The following ASCC3 variants were observed in gnomAD, a reference collection of about 807,000 sequenced individuals.
The protein encoded by ASCC3 is activating signal cointegrator 1 complex subunit 3, also known as ASC-1 complex subunit P200.
ASCC3 carries 158 observed loss-of-function variants against 256.3 expected under a neutral mutation model. The ratio of observed to expected loss-of-function variants is 0.62; its 90% confidence interval spans 0.54 to 0.70. The LOEUF (loss-of-function observed/expected upper bound fraction) is 0.70. Among genes scored for constraint, ASCC3 ranks in the 30% least tolerant of loss-of-function variants. The pLI, the probability that ASCC3 is intolerant of heterozygous loss-of-function variation, is 0.00. For synonymous variants in ASCC3, 948 were observed against 883.4 expected (o/e 1.07, Z -1.30); for missense variants, 2,259 against 2,626.0 (o/e 0.86, Z 3.05).
chr6:100,513,162 C>A (rs1773856773), intron 39 of ASCC3, among the ~76,000 whole-genome samples: 1 of 152,090 alleles, frequency 6.6e-6, no homozygotes, highest in South Asian at 2.1e-4. Context: ...TTAACATAAT[C>A]CAGTGATTTT....
intron 3 of ASCC3, among the ~76,000 whole-genome samples, chr6:100,860,518 G>T (rs1363838770): frequency 6.6e-6 from 1 of 151,870 alleles, no homozygotes; most frequent in Non-Finnish European, 1.5e-5. Context: ...AGGTAGTGAA[G>T]ACCACAGAGA....
intron 36 of ASCC3, among the ~76,000 whole-genome samples, chr6:100,551,744 C>A (rs1209752446): frequency 6.6e-6 from 1 of 151,966 alleles, no homozygotes; most frequent in Non-Finnish European, 1.5e-5. Context: ...ATTATCAAAT[C>A]AATATTAGTT....
Position 100,567,599 on chromosome 6 carries a change from T to G in ASCC3, c.5550+22035A>C, listed in dbSNP as rs150259076. On this transcript the variant is annotated intron_variant, in intron 36 of 41. Transcript: ENST00000369162. ...TAGCAGTCTCCAGTGTCTACAGTCATCTTTGTGTCCATGAGTACCCACTGT... is the reference window on the plus strand; with the variant it reads ...TAGCAGTCTCCAGTGTCTACAGTCAGCTTTGTGTCCATGAGTACCCACTGT... Among the ~76,000 whole-genome samples, 279 of 152,302 alleles carry G rather than the reference T, an allele frequency of 1.8e-3. 1 individual carries two copies. The highest frequency in any genetic ancestry group is 3.3e-3 in the Admixed American group (50 of 15,294).
chr6:100,702,180 G>A (rs1242490293), intron 13 of ASCC3, among the ~76,000 whole-genome samples: 4 of 152,128 alleles, frequency 2.6e-5, no homozygotes, highest in African/African-American at 9.7e-5. Context: ...AGACATGATG[G>A]TTGCTTGGCT....
chr6:100,572,229 C>T (rs1770628872), intron 36 of ASCC3, among the ~76,000 whole-genome samples: 1 of 151,986 alleles, frequency 6.6e-6, no homozygotes, highest in Non-Finnish European at 1.5e-5. Context: ...GGATTAGTGC[C>T]CTTATAAAGG....
At chr6:100,663,210 A>G (rs189482315) in intron 14 of ASCC3, among the ~76,000 whole-genome samples, 1 of 152,160 alleles carries the variant, frequency 6.6e-6, no homozygotes, top group Admixed American at 6.6e-5. Context: ...CTCCTCAACT[A>G]TAGATGTGCA....
chr6:100,608,046 A>G (rs1772996206), intron 30 of ASCC3, among the ~76,000 whole-genome samples: 1 of 133,298 alleles, frequency 7.5e-6, no homozygotes, highest in African/African-American at 2.7e-5. Flanking sequence ...ATATACATAC[A>G]TATACATATA....
At chr6:100,720,171 G>A (rs1042067286) in intron 11 of ASCC3, among the ~76,000 whole-genome samples, 3 of 151,890 alleles carry the variant, frequency 2.0e-5, no homozygotes, top group East Asian at 1.9e-4. Flanking sequence ...CTAATACTTC[G>A]AAAATATGAA....
At chr6:100,749,351 C>G (rs546840058) in intron 10 of ASCC3, among the ~76,000 whole-genome samples, 5 of 151,884 alleles carry the variant, frequency 3.3e-5, no homozygotes, top group African/African-American at 1.2e-4. Flanking sequence ...AAACAATATA[C>G]AATCAACTTT....
intron 37 of ASCC3, chr6:100,530,605 G>C (rs1442896350): frequency 3.8e-6 from 3 of 795,898 alleles, no homozygotes; most frequent in Non-Finnish European, 6.9e-6. Flanking sequence ...TGGATGTTCA[G>C]AGCAGCAATA....
chr6:100,583,816 C>T (rs1331896955), intron 36 of ASCC3, among the ~76,000 whole-genome samples: 1 of 152,110 alleles, frequency 6.6e-6, no homozygotes, highest in Non-Finnish European at 1.5e-5. Flanking sequence ...CAAAGAACAT[C>T]TTTATTTCTG....
intron 8 of ASCC3, among the ~76,000 whole-genome samples, chr6:100,792,137 A>G (rs1244957550): frequency 6.6e-6 from 1 of 151,888 alleles, no homozygotes; most frequent in East Asian, 1.9e-4. Flanking sequence ...TCAACAAGTA[A>G]TCATCATAAT....
chr6:100,607,125 T>C (rs757320594), intron 30 of ASCC3, 37 bp from the exon 31 acceptor site: 1 of 1,598,850 alleles, frequency 6.3e-7, no homozygotes, highest in East Asian at 2.2e-5. Context: ...TGTAGATGCA[T>C]AACTTTAAAA....
intron 10 of ASCC3, among the ~76,000 whole-genome samples, chr6:100,765,821 A>G (rs1781629432): frequency 6.6e-6 from 1 of 152,204 alleles, no homozygotes; most frequent in African/African-American, 2.4e-5. Flanking sequence ...AAATTAATTC[A>G]CACCCCAATC....
At position 100,750,333 on chromosome 6, in the gene ASCC3, A is replaced by C. The variant is rs1326467577; in HGVS notation, c.1737+16232T>G. ...TCAGAAAATATCACAGATACTAATG[A>C]GTATGGAGAATGCCCTTATGTTTTT... On this transcript the variant is annotated intron_variant, in intron 10 of 41. Coordinates refer to ENST00000369162, the MANE Select transcript of ASCC3 (RefSeq NM_006828.4). 2.0e-5 allele frequency among the ~76,000 whole-genome samples: 3 copies of C among 152,078 alleles called. No homozygotes were observed. The East Asian group carries it at 5.8e-4, about 29-fold the overall frequency.
chr6:100,832,935 T>G (rs912435882), intron 4 of ASCC3, among the ~76,000 whole-genome samples: 1 of 151,892 alleles, frequency 6.6e-6, no homozygotes, highest in Non-Finnish European at 1.5e-5. Flanking sequence ...GAGAAAAGTG[T>G]TCACAAATAA....
chr6:100,656,028 A>G (rs537034404), intron 16 of ASCC3, among the ~76,000 whole-genome samples: 2 of 151,930 alleles, frequency 1.3e-5, no homozygotes, highest in South Asian at 2.1e-4. Context: ...GAGAAATGTT[A>G]TCTTTCAGAA....
intron 36 of ASCC3, among the ~76,000 whole-genome samples, chr6:100,576,416 AT>A (rs1770863151): frequency 6.6e-6 from 1 of 152,080 alleles, no homozygotes; most frequent in South Asian, 2.1e-4. Context: ...TTTTAAAAGT[AT>A]ATTTCTTACA....
At chr6:100,708,914 ATG>A (rs1175694490) in intron 13 of ASCC3, among the ~76,000 whole-genome samples, 1 of 152,022 alleles carries the variant, frequency 6.6e-6, no homozygotes, top group Non-Finnish European at 1.5e-5. Flanking sequence ...TGTGCAATAC[ATG>A]TGTTATTGCA....
Sources: allele counts gnomAD v4.1 joint callset (sites outside exome capture counted in the v4.1 genomes callset), GRCh38; gene constraint gnomAD v4.1.1; transcripts MANE v1.5; gene names NCBI Gene and HGNC (gene_info 2026-07-23, HGNC 2026-07-21).